Variants in EPB41L1 observed in about 807,000 individuals in gnomAD.
The protein encoded by EPB41L1 is band 4.1-like protein 1.
A neutral mutation model predicts 97.8 loss-of-function variants in EPB41L1; 29 were observed. The ratio of observed to expected loss-of-function variants is 0.30; its 90% CI spans 0.22 to 0.40. The LOEUF (loss-of-function observed/expected upper bound fraction) is 0.40. Ranked by LOEUF, EPB41L1 falls within the 10% of genes least tolerant of loss-of-function variation. EPB41L1 has a pLI of 1.00. For missense variants in EPB41L1, 812 were observed against 1,162.3 expected (o/e 0.70, Z 4.38); for synonymous variants, 383 against 459.2 (o/e 0.83, Z 2.12).
At position 36,198,079 on chromosome 20, in the gene EPB41L1, G is replaced by A. The variant is rs755683446; in HGVS notation, c.1668+38G>A. ...CTGAACCCCTCGATAGGGGCCTTGG[G>A]TAAAGAGACATTGGGTTGCTGCATC... On this transcript the variant is annotated intron_variant, in intron 14 of 21. Coordinates refer to ENST00000338074, the MANE Select transcript of EPB41L1 (RefSeq NM_012156.2). 5.2e-5 allele frequency: 82 copies of A among 1,584,910 alleles called. No individual in the cohort carries two copies. In the Admixed American group the frequency reaches 1.4e-3, roughly 26 times the overall value.
At chr20:36,110,622 T>TACACACACACACACACACAC (rs11473679) in intron 1 of EPB41L1, 10 of 138,876 alleles carry the variant, frequency 7.2e-5, no homozygotes, top group Non-Finnish European at 1.1e-4. Context: ...CAGTTTGCTT[T>TACACACACACACACACACAC]ACACACACAC....
intron 2 of EPB41L1, among the ~76,000 whole-genome samples, chr20:36,131,984 G>C (rs762153882): frequency 1.2e-4 from 19 of 152,126 alleles, no homozygotes; most frequent in Non-Finnish European, 2.5e-4. Flanking sequence ...CTCTAGGTTA[G>C]AGCTTGGGGC....
At chr20:36,109,432 C>T (rs1175888192) in intron 1 of EPB41L1, among the ~76,000 whole-genome samples, 2 of 152,186 alleles carry the variant, frequency 1.3e-5, no homozygotes, top group Non-Finnish European at 2.9e-5. Context: ...GAGTATTTAG[C>T]ACAGTGCCTG....
chr20:36,224,084 C>T (rs189174564), intron 21 of EPB41L1, among the ~76,000 whole-genome samples: 13 of 152,264 alleles, frequency 8.5e-5, no homozygotes, highest in African/African-American at 2.9e-4. Flanking sequence ...GGCTGCTAAC[C>T]TCTGGTCTGG....
chr20:36,135,014 C>T (rs548420280), intron 2 of EPB41L1, among the ~76,000 whole-genome samples: 28 of 151,864 alleles, frequency 1.8e-4, no homozygotes, highest in Non-Finnish European at 3.1e-4. Flanking sequence ...CAGGTGCATG[C>T]GACCACATCT....
At chr20:36,200,430 C>G (rs1452299973) in intron 14 of EPB41L1, among the ~76,000 whole-genome samples, 4 of 151,838 alleles carry the variant, frequency 2.6e-5, no homozygotes, top group Admixed American at 6.6e-5. Flanking sequence ...TCATCTGGGC[C>G]AAGGGGAAAA....
At chr20:36,180,618 C>G (rs2061435598) in intron 5 of EPB41L1, among the ~76,000 whole-genome samples, 1 of 152,150 alleles carries the variant, frequency 6.6e-6, no homozygotes, top group African/African-American at 2.4e-5. Flanking sequence ...GTTAACTCCA[C>G]CTGCTTCTTG....
At position 36,207,445 on chromosome 20, in the gene EPB41L1, G is replaced by A; in HGVS notation, c.1669-2043G>A. 7.8e-7 allele frequency: 1 copy of A among 1,289,772 alleles called. No individual in the cohort carries two copies. Among genetic ancestry groups the A allele is most frequent in the Non-Finnish European group, 1.0e-6 (1 of 988,878 alleles). The allele number at this position is 1,289,772 out of a possible 1,614,324, so 79.9% of individuals were successfully genotyped here. On this transcript the variant is annotated intron_variant, in intron 14 of 21. Coordinates refer to ENST00000338074, the MANE Select transcript of EPB41L1 (RefSeq NM_012156.2). The surrounding 1 kb of genome is among the most constrained non-coding windows in gnomAD (Gnocchi z 4.9). ...AGAAGATATTAGCAAGACCTCAGTG[G>A]CCAACAAAATTCGGATATTTGAGAC... is the stretch of plus-strand genomic sequence containing the variant.
chr20:36,115,062 G>A (rs923874096), intron 2 of EPB41L1, among the ~76,000 whole-genome samples: 1 of 152,176 alleles, frequency 6.6e-6, no homozygotes, highest in African/African-American at 2.4e-5. Flanking sequence ...AATGTGCATT[G>A]AATTACTCTC....
At chr20:36,107,944 TA>T (rs1309359076) in intron 1 of EPB41L1, among the ~76,000 whole-genome samples, 1 of 152,120 alleles carries the variant, frequency 6.6e-6, no homozygotes, top group African/African-American at 2.4e-5. Flanking sequence ...GAGGATGTAT[TA>T]AAAAATGTAA....
At chr20:36,175,940 G>C (rs1267124069) in intron 3 of EPB41L1, among the ~76,000 whole-genome samples, 1 of 152,180 alleles carries the variant, frequency 6.6e-6, no homozygotes, top group Non-Finnish European at 1.5e-5. Context: ...TACAGGGCTG[G>C]CACCAGGGGA....
chr20:36,139,979 C>T (rs964125141), intron 2 of EPB41L1, among the ~76,000 whole-genome samples: 1 of 152,114 alleles, frequency 6.6e-6, no homozygotes, highest in South Asian at 2.1e-4. Context: ...ATCCGCCCAC[C>T]TTGGCCTCCC....
At chr20:36,167,500 A>T (rs930301013) in intron 1 of EPB41L1, among the ~76,000 whole-genome samples, 1 of 152,068 alleles carries the variant, frequency 6.6e-6, no homozygotes, top group Non-Finnish European at 1.5e-5. Flanking sequence ...TGAGCTCAGG[A>T]GTTCAAGACC....
rs1003223777 is a variant in EPB41L1, at chr20:36,195,147, C to T, written c.1450-182C>T. Among the ~76,000 whole-genome samples, 1 of 152,208 alleles carries T rather than the reference C, an allele frequency of 6.6e-6. No individual in the cohort carries two copies. Among genetic ancestry groups the T allele is most frequent in the Non-Finnish European group, 1.5e-5 (1 of 68,026 alleles). ...CTTCCTGGGACAGCACCCTGCTTCA[C>T]ACCTGTACCTTCTTCTGACTACCTC... On this transcript the variant is annotated intron_variant, in intron 12 of 21. Transcript: ENST00000338074. The surrounding 1 kb of genome is among the most constrained non-coding windows in gnomAD (Gnocchi z 4.6).
chr20:36,210,274 C>T (rs944109351), intron 15 of EPB41L1, among the ~76,000 whole-genome samples: 1 of 152,016 alleles, frequency 6.6e-6, no homozygotes, highest in Admixed American at 6.6e-5. Context: ...TTTCCTGATC[C>T]GGGCCCAGGC....
Position 36,190,682 on chromosome 20 carries a change from C to T in EPB41L1, c.1185C>T (p.Tyr395=). 6.2e-7 allele frequency: 1 copy of T among 1,614,080 alleles called. No homozygotes were observed. The highest frequency in any genetic ancestry group is 8.5e-7 in the Non-Finnish European group (1 of 1,180,004). ...GFLVMGSKFR[Y]SGRTQAQTRQ... is the part of the protein sequence containing the mutation. ...TGGTGATGGGCTCCAAGTTCCGGTA[C>T]AGTGGGAGGACCCAGGCACAGACTC... is the stretch of plus-strand genomic sequence containing the variant. The change falls in exon 11 of 22, where the codon TAC becomes TAT. Residue 395 remains tyrosine, a synonymous_variant. Transcript: ENST00000338074. This position sits in a 1 kb window ranked among gnomAD's most constrained non-coding sequence, Gnocchi z 5.8.
At chr20:36,202,292 G>A (rs892755410) in intron 14 of EPB41L1, among the ~76,000 whole-genome samples, 12 of 152,222 alleles carry the variant, frequency 7.9e-5, no homozygotes, top group African/African-American at 2.4e-4. Context: ...GGAAGTTTTC[G>A]TGTTGAATTG....
At chr20:36,139,671 G>T (rs2059558974) in intron 2 of EPB41L1, among the ~76,000 whole-genome samples, 1 of 152,022 alleles carries the variant, frequency 6.6e-6, no homozygotes, top group South Asian at 2.1e-4. Flanking sequence ...CCCCTCTCTG[G>T]GTCTCAGTTT....
intron 6 of EPB41L1, among the ~76,000 whole-genome samples, chr20:36,184,178 T>C (rs1303103049): frequency 2.0e-5 from 3 of 151,900 alleles, no homozygotes; most frequent in Admixed American, 6.6e-5. Context: ...GAGGTTGCAG[T>C]GAGCTGAGAT....
Sources: allele counts gnomAD v4.1 joint callset (sites outside exome capture counted in the v4.1 genomes callset), GRCh38; gene constraint gnomAD v4.1.1; non-coding constraint Gnocchi (gnomAD v3.1); transcripts MANE v1.5; gene names NCBI Gene and HGNC (gene_info 2026-07-23, HGNC 2026-07-21).